PRKG1: variants seen among roughly 807,000 people sequenced by gnomAD.
The protein encoded by PRKG1 is protein kinase cGMP-dependent 1.
PRKG1 carries 35 observed loss-of-function variants against 88.1 expected under a neutral mutation model. The ratio of observed to expected loss-of-function variants is 0.40; its 90% CI spans 0.30 to 0.53. The LOEUF (loss-of-function observed/expected upper bound fraction) is 0.53. Among genes scored for constraint, PRKG1 ranks in the 20% least tolerant of loss-of-function variants. The pLI, the probability that PRKG1 is intolerant of heterozygous loss-of-function variation, is 0.59. For missense variants in PRKG1, 540 were observed against 839.8 expected (o/e 0.64, Z 4.41); for synonymous variants, 303 against 292.5 (o/e 1.04, Z -0.37).
At chr10:52,052,423 A>AT in intron 5 of PRKG1, among the ~76,000 whole-genome samples, 1 of 144,832 alleles carries the variant, frequency 6.9e-6, no homozygotes, top group Admixed American at 7.3e-5. Context: ...CAAAAAAAAT[A>AT]AAATAATAAT....
intron 3 of PRKG1, among the ~76,000 whole-genome samples, chr10:51,637,355 T>C (rs1256120015): frequency 6.6e-6 from 1 of 152,164 alleles, no homozygotes; most frequent in Non-Finnish European, 1.5e-5. Flanking sequence ...TGGAAGACAG[T>C]GTGGCAATTC....
At chr10:52,062,702 C>CCTAGCA in intron 7 of PRKG1, 71 bp downstream of exon 7, 1 of 1,163,828 alleles carries the variant, frequency 8.6e-7, no homozygotes, top group Non-Finnish European at 1.3e-6. Context: ...ATTTTGAGCT[C>CCTAGCA]CTAGCACAAT....
At chr10:51,013,902 T>C (rs1222126703) in intron 1 of PRKG1, among the ~76,000 whole-genome samples, 1 of 152,190 alleles carries the variant, frequency 6.6e-6, no homozygotes, top group Non-Finnish European at 1.5e-5. Context: ...CTATTTGTTT[T>C]AAATCGTCTT....
chr10:51,533,519 G>A (rs550255226), intron 3 of PRKG1, among the ~76,000 whole-genome samples: 19 of 151,484 alleles, frequency 1.3e-4, no homozygotes, highest in African/African-American at 2.7e-4. Flanking sequence ...ACTTAATTTC[G>A]TGTTCAGTTT....
chr10:51,543,656 G>T (rs1322632879), intron 3 of PRKG1, among the ~76,000 whole-genome samples: 1 of 152,206 alleles, frequency 6.6e-6, no homozygotes, highest in Non-Finnish European at 1.5e-5. Flanking sequence ...TGAGGTCTCA[G>T]TGATTGTGAA....
intron 3 of PRKG1, among the ~76,000 whole-genome samples, chr10:51,531,164 A>ATC (rs1842007165): frequency 3.9e-5 from 6 of 152,210 alleles, no homozygotes; most frequent in Non-Finnish European, 8.8e-5. Context: ...ACTGCTGTTG[A>ATC]GCATCTGCCT....
At chr10:51,593,008 T>A (rs1269912857) in intron 3 of PRKG1, among the ~76,000 whole-genome samples, 1 of 152,214 alleles carries the variant, frequency 6.6e-6, no homozygotes, top group Non-Finnish European at 1.5e-5. Flanking sequence ...CACTATCAAT[T>A]TAAAAGACAG....
chr10:51,966,513 T>G (rs998056803), intron 5 of PRKG1, among the ~76,000 whole-genome samples: 10 of 152,292 alleles, frequency 6.6e-5, no homozygotes, highest in African/African-American at 2.2e-4. Flanking sequence ...GCATTTTACG[T>G]CAATGCCATT....
At chr10:51,497,531 G>A (rs773939897) in intron 3 of PRKG1, among the ~76,000 whole-genome samples, 7 of 152,174 alleles carry the variant, frequency 4.6e-5, no homozygotes, top group South Asian at 2.1e-4. Flanking sequence ...GAGTGTGGTC[G>A]CATGATAATG....
intron 3 of PRKG1, among the ~76,000 whole-genome samples, chr10:51,493,893 T>C (rs1253320617): frequency 2.0e-5 from 3 of 152,144 alleles, no homozygotes; most frequent in Non-Finnish European, 2.9e-5. Context: ...GAAATAAACC[T>C]CTGGAGAGCT....
intron 3 of PRKG1, among the ~76,000 whole-genome samples, chr10:51,726,024 A>G (rs1842122721): frequency 6.6e-6 from 1 of 152,232 alleles, no homozygotes; most frequent in South Asian, 2.1e-4. Context: ...GAAAATAAAC[A>G]AACAGCTATT....
intron 5 of PRKG1, among the ~76,000 whole-genome samples, chr10:51,954,218 C>A (rs149923409): frequency 0.015 from 2,263 of 152,132 alleles, 46 homozygotes; most frequent in Middle Eastern, 0.051. Flanking sequence ...ATGTAATAAT[C>A]CATTGAAAAT....
intron 3 of PRKG1, among the ~76,000 whole-genome samples, chr10:51,788,030 T>A (rs1838771490): frequency 6.6e-6 from 1 of 152,182 alleles, no homozygotes; most frequent in South Asian, 2.1e-4. Context: ...ACTCTGAGTA[T>A]CATTGTGTTG....
chr10:51,119,554 A>G (rs923407664), intron 1 of PRKG1, among the ~76,000 whole-genome samples: 1 of 152,036 alleles, frequency 6.6e-6, no homozygotes, highest in African/African-American at 2.4e-5. Context: ...TTTTGGCAAA[A>G]CAAAAATATA....
intron 9 of PRKG1, among the ~76,000 whole-genome samples, chr10:52,164,455 G>A (rs974265332): frequency 1.6e-4 from 24 of 152,092 alleles, no homozygotes; most frequent in African/African-American, 5.6e-4. Context: ...TGAATTTACA[G>A]ATTCCATGTC....
chr10:51,821,996 T>C (rs1839759130), intron 4 of PRKG1, among the ~76,000 whole-genome samples: 1 of 152,128 alleles, frequency 6.6e-6, no homozygotes, highest in Admixed American at 6.6e-5. Flanking sequence ...AAGAGATATC[T>C]GCACTCCATA....
intron 4 of PRKG1, among the ~76,000 whole-genome samples, chr10:51,897,727 A>G (rs1486808556): frequency 6.6e-6 from 1 of 152,066 alleles, no homozygotes; most frequent in Non-Finnish European, 1.5e-5. Context: ...AATATAACAG[A>G]GCCCAGCTGC....
chr10:51,757,108 T>A (rs1320763277), intron 3 of PRKG1, among the ~76,000 whole-genome samples: 2 of 152,022 alleles, frequency 1.3e-5, no homozygotes, highest in African/African-American at 2.4e-5. Context: ...TTTATTTTAT[T>A]TTTATTTTTA....
intron 5 of PRKG1, among the ~76,000 whole-genome samples, chr10:52,031,924 G>A (rs1845483858): frequency 6.6e-6 from 1 of 152,184 alleles, no homozygotes; most frequent in Admixed American, 6.5e-5. Flanking sequence ...CAGATGTGAA[G>A]CCCACAAGGG....
Sources: gnomAD v4.1 joint callset for allele counts (sites outside exome capture counted in the v4.1 genomes callset) on GRCh38, gnomAD v4.1.1 for gene constraint, MANE v1.5 for transcripts, NCBI Gene and HGNC (gene_info 2026-07-23, HGNC 2026-07-21) for gene names.